Variants in C1QTNF7 observed in about 807,000 individuals in gnomAD.
The protein encoded by C1QTNF7 is C1q and TNF related 7, also known as complement C1q tumor necrosis factor-related protein 7.
In C1QTNF7, 15 loss-of-function variants were observed where a neutral mutation model predicts 19.6. The observed-to-expected ratio is 0.76, with a 90% CI of 0.51 to 1.18. C1QTNF7 has a LOEUF of 1.18. Ranked by LOEUF, C1QTNF7 falls within the 50% of genes most tolerant of loss-of-function variation. C1QTNF7 has a pLI of 0.00. For synonymous variants in C1QTNF7, 142 were observed against 137.5 expected, an observed-to-expected ratio of 1.03 and a Z score of -0.23; for missense variants, 324 against 359.7, an observed-to-expected ratio of 0.90 and a Z score of 0.80.
chr4:15,417,371 T>C (rs1413990634), intron 1 of C1QTNF7, among the ~76,000 whole-genome samples: 1 of 152,236 alleles, frequency 6.6e-6, no homozygotes, highest in Admixed American at 6.5e-5. Flanking sequence ...TCTGTGTCTA[T>C]GGATTTATCT....
At chr4:15,360,422 C>T (rs1717296597) in intron 1 of C1QTNF7, among the ~76,000 whole-genome samples, 1 of 152,112 alleles carries the variant, frequency 6.6e-6, no homozygotes, top group African/African-American at 2.4e-5. Context: ...AGAACATCTT[C>T]TTTTTTATAT....
intron 1 of C1QTNF7, among the ~76,000 whole-genome samples, chr4:15,392,368 G>T (rs967480575): frequency 2.6e-5 from 4 of 152,142 alleles, no homozygotes; most frequent in African/African-American, 9.7e-5. Context: ...CGTCCTCGCA[G>T]AACCAAGGTA....
intron 1 of C1QTNF7, among the ~76,000 whole-genome samples, chr4:15,419,449 T>C (rs1394692197): frequency 6.6e-6 from 1 of 152,164 alleles, no homozygotes; most frequent in Non-Finnish European, 1.5e-5. Flanking sequence ...ACACTTATGA[T>C]ATAATATTAG....
intron 1 of C1QTNF7, among the ~76,000 whole-genome samples, chr4:15,350,963 T>A (rs1451288666): frequency 6.6e-6 from 1 of 152,228 alleles, no homozygotes; most frequent in Admixed American, 6.5e-5. Flanking sequence ...GACTCTGAAG[T>A]CCCTATCAAC....
chr4:15,347,367 G>A lies in C1QTNF7; in HGVS notation c.13+7160G>A, dbSNP rs145691163. On this transcript the variant is annotated intron_variant, in intron 1 of 2. Coordinates refer to the C1QTNF7 transcript ENST00000295297. ...CATCTTTGCTCTGCTTTTAGAAGTA[G>A]CAAGAAAAAGTTATCTTTCCTCTGG... 3.0e-3 allele frequency among the ~76,000 whole-genome samples: 453 copies of A among 152,246 alleles called. 1 individual carries two copies. Among genetic ancestry groups the A allele is most frequent in the Admixed American group, 5.0e-3 (76 of 15,292 alleles).
intron 1 of C1QTNF7, among the ~76,000 whole-genome samples, chr4:15,420,651 G>T (rs1711705630): frequency 6.6e-6 from 1 of 152,010 alleles, no homozygotes; most frequent in African/African-American, 2.4e-5. Context: ...TTTCAGAGGG[G>T]TAATCCTCAG....
intron 1 of C1QTNF7, among the ~76,000 whole-genome samples, chr4:15,384,627 G>T (rs1718264411): frequency 6.6e-6 from 1 of 152,188 alleles, no homozygotes; most frequent in African/African-American, 2.4e-5. Context: ...CAGTGTTATA[G>T]AAATGGTTCA....
intron 1 of C1QTNF7, among the ~76,000 whole-genome samples, chr4:15,355,612 A>G (rs1156810863): frequency 1.3e-5 from 2 of 152,132 alleles, no homozygotes; most frequent in African/African-American, 4.8e-5. Context: ...TGGATTACAA[A>G]GACAACTCTT....
rs138926308 is a variant in C1QTNF7 at position 15,375,953 on chromosome 4, A to C, written c.13+35746A>C. ...TGTCAGTCATTGTCAGCACACACAT[A>C]AGCTGCTTCCAAGAGTCGAAAGGCT... On this transcript the variant is annotated intron_variant, in intron 1 of 2. Coordinates refer to the C1QTNF7 transcript ENST00000295297. 1.5e-3 allele frequency among the ~76,000 whole-genome samples: 229 copies of C among 152,312 alleles called. 1 individual carries two copies. Among genetic ancestry groups the C allele is most frequent in the Non-Finnish European group, 2.8e-3 (189 of 68,022 alleles).
At chr4:15,394,693 T>A (rs889629131) in intron 1 of C1QTNF7, among the ~76,000 whole-genome samples, 10 of 152,066 alleles carry the variant, frequency 6.6e-5, no homozygotes, top group Non-Finnish European at 1.0e-4. Context: ...TTTCAAAAAT[T>A]ACAAACATGT....
chr4:15,423,337 G>A (rs930636339), upstream of C1QTNF7, among the ~76,000 whole-genome samples: 1 of 152,114 alleles, frequency 6.6e-6, no homozygotes, highest in Non-Finnish European at 1.5e-5. Context: ...TGTATGTTCA[G>A]GGCCCAGCAC....
At chr4:15,391,639 A>G (rs1437672817) in intron 1 of C1QTNF7, among the ~76,000 whole-genome samples, 3 of 152,142 alleles carry the variant, frequency 2.0e-5, no homozygotes, top group Non-Finnish European at 4.4e-5. Flanking sequence ...CCAAAGGGGG[A>G]GTAAAAACAA....
At chr4:15,404,229 C>T (rs1293084815) in intron 1 of C1QTNF7, among the ~76,000 whole-genome samples, 1 of 152,164 alleles carries the variant, frequency 6.6e-6, no homozygotes, top group Admixed American at 6.5e-5. Flanking sequence ...TGAGCTGCTC[C>T]TTCTATGCCA....
At chr4:15,351,100 T>C (rs1716919909) in intron 1 of C1QTNF7, among the ~76,000 whole-genome samples, 7 of 152,162 alleles carry the variant, frequency 4.6e-5, no homozygotes, top group African/African-American at 1.7e-4. Context: ...GAGGATTAAG[T>C]GAGATAATAT....
intron 1 of C1QTNF7, among the ~76,000 whole-genome samples, chr4:15,416,824 GA>G (rs1719624094): frequency 6.6e-6 from 1 of 152,210 alleles, no homozygotes; most frequent in African/African-American, 2.4e-5. Context: ...TGAGTCTCAT[GA>G]CCTTGAAGTC....
intron 1 of C1QTNF7, among the ~76,000 whole-genome samples, chr4:15,344,155 C>A (rs1347211197): frequency 2.6e-5 from 4 of 152,216 alleles, no homozygotes; most frequent in Non-Finnish European, 4.4e-5. Flanking sequence ...AGACAAAGTG[C>A]ATGCATATGG....
At position 15,443,004 on chromosome 4, in the gene C1QTNF7, A is replaced by G. The variant is rs1413937256; in HGVS notation, c.*205A>G. ...ATTCTATTAAAGAATAGCCCCAGAT[A>G]TAAATTCTCTTGAAAGCAATGTTCA... On this transcript the variant is annotated 3_prime_UTR_variant, in exon 3 of 3. Coordinates refer to ENST00000444304, the MANE Select transcript of C1QTNF7 (RefSeq NM_031911.5). 1 of 440,692 alleles carries G rather than the reference A, an allele frequency of 2.3e-6. No homozygotes were observed. Among genetic ancestry groups the G allele is most frequent in the Non-Finnish European group, 3.9e-6 (1 of 258,128 alleles). The allele number at this position is 440,692 out of a possible 1,614,324, so 27.3% of individuals were successfully genotyped here.
intron 1 of C1QTNF7, among the ~76,000 whole-genome samples, chr4:15,371,584 A>G (rs1717729747): frequency 6.6e-6 from 1 of 152,162 alleles, no homozygotes; most frequent in Non-Finnish European, 1.5e-5. Context: ...TATAACCACT[A>G]CAATAATAAA....
chr4:15,349,245 C>T (rs903109074), intron 1 of C1QTNF7, among the ~76,000 whole-genome samples: 8 of 152,210 alleles, frequency 5.3e-5, no homozygotes, highest in African/African-American at 1.2e-4. Flanking sequence ...ATCTTCATTC[C>T]CCTTTGGCCC....
Sources: allele counts gnomAD v4.1 joint callset (sites outside exome capture counted in the v4.1 genomes callset), GRCh38; gene constraint gnomAD v4.1.1; transcripts MANE v1.5; gene names NCBI Gene and HGNC (gene_info 2026-07-23, HGNC 2026-07-21).